The following COL10A1 variants were observed in gnomAD, a reference collection of about 807,000 sequenced individuals.
COL10A1 encodes collagen alpha-1(X) chain.
A neutral mutation model predicts 18.2 loss-of-function variants in COL10A1; 10 were observed. That is an observed-to-expected ratio of 0.55 (90% CI 0.34 to 0.93). The LOEUF is 0.93. Among genes scored for constraint, COL10A1 ranks in the 40% least tolerant of loss-of-function variants. The pLI, the probability that COL10A1 is intolerant of heterozygous loss-of-function variation, is 0.02. For missense variants in COL10A1, 897 were observed against 853.5 expected, an observed-to-expected ratio of 1.05 and a Z score of -0.64; for synonymous variants, 330 against 316.6, an observed-to-expected ratio of 1.04 and a Z score of -0.45.
At chr6:116,154,325 G>A (rs137872849) in intron 1 of COL10A1, among the ~76,000 whole-genome samples, 4 of 152,202 alleles carry the variant, frequency 2.6e-5, no homozygotes, top group East Asian at 3.9e-4. Flanking sequence ...CACTGAGGCC[G>A]GGATTTCTTT....
At chr6:116,184,560 A>C in the COL10A1 span, among the ~76,000 whole-genome samples, 1 of 151,782 alleles carries the variant, frequency 6.6e-6, no homozygotes, top group East Asian at 1.9e-4. Context: ...TTTCAGTCTC[A>C]CTGCTTGTTA....
intron 1 of COL10A1, 90 bp downstream of exon 1, chr6:116,125,963 C>T (rs1025841618): frequency 6.5e-6 from 1 of 154,752 alleles, no homozygotes; most frequent in African/African-American, 2.4e-5. Context: ...TTTAATACTT[C>T]TAATACTTGA....
upstream of COL10A1, among the ~76,000 whole-genome samples, chr6:116,127,985 C>T (rs1779365592): frequency 6.6e-6 from 1 of 152,058 alleles, no homozygotes; most frequent in South Asian, 2.1e-4. Context: ...CTAAGCTCCT[C>T]CCAGTTTTAA....
chr6:116,124,759 C>T (rs575606287), intron 2 of COL10A1, among the ~76,000 whole-genome samples: 65 of 152,214 alleles, frequency 4.3e-4, no homozygotes, highest in Admixed American at 1.2e-3. Flanking sequence ...TGCATTTTAC[C>T]GCTAAACTAT....
the COL10A1 span, among the ~76,000 whole-genome samples, chr6:116,184,107 A>G: frequency 6.6e-6 from 1 of 151,992 alleles, no homozygotes; most frequent in Non-Finnish European, 1.5e-5. Context: ...TTTTAATCAT[A>G]AAGAGATGCT....
At chr6:116,151,746 A>C (rs17077603) in intron 1 of COL10A1, among the ~76,000 whole-genome samples, 25,622 of 152,142 alleles carry the variant, frequency 0.17, 2,289 homozygotes, top group East Asian at 0.26. Context: ...GCTTTTCTAT[A>C]ATAAATACCA....
chr6:116,121,163 C>A lies in COL10A1; in HGVS notation c.953G>T (p.Gly318Val). 2.5e-6 allele frequency: 4 copies of A among 1,613,086 alleles called. No individual in the cohort carries two copies. The highest frequency in any genetic ancestry group is 2.5e-6 in the Non-Finnish European group (3 of 1,179,542). ...CCCTTGTTCCCCTTTGGCACCTGGA[C>A]CCCCAGGAAGGCCAGCAGGTCCTCT... ...GERGPAGLPG[G>V]PGAKGEQGPA... Residue 318 changes from glycine (G) to valine (V), a missense_variant, in exon 3 of 3, where the codon GGT becomes GTT. By Grantham distance (109) the Gly-to-Val change is moderately radical. Coordinates refer to ENST00000651968, the MANE Select transcript of COL10A1 (RefSeq NM_000493.4).
chr6:116,163,126 C>CAA (rs71272373), upstream of COL10A1, among the ~76,000 whole-genome samples: 41 of 84,310 alleles, frequency 4.9e-4, 1 homozygote, highest in African/African-American at 2.6e-3. Flanking sequence ...GACTCCGTCT[C>CAA]AAAAAAAAAA....
At chr6:116,184,916 G>C in the COL10A1 span, among the ~76,000 whole-genome samples, 7 of 151,128 alleles carry the variant, frequency 4.6e-5, no homozygotes, top group African/African-American at 1.7e-4. Flanking sequence ...TCTTCTGCTG[G>C]GTTTGGGTTT....
the COL10A1 span, among the ~76,000 whole-genome samples, chr6:116,216,923 A>T: frequency 6.6e-6 from 1 of 152,132 alleles, no homozygotes; most frequent in Non-Finnish European, 1.5e-5. Flanking sequence ...AAAGGTTGTA[A>T]ATATTTAAAT....
At chr6:116,161,920 T>G (rs1780342174), upstream of COL10A1, among the ~76,000 whole-genome samples, 1 of 152,196 alleles carries the variant, frequency 6.6e-6, no homozygotes. Context: ...ATAATTCTCC[T>G]TTGTATTTCA....
At chr6:116,163,512 T>C (rs1780393403), upstream of COL10A1, among the ~76,000 whole-genome samples, 1 of 152,242 alleles carries the variant, frequency 6.6e-6, no homozygotes, top group Non-Finnish European at 1.5e-5. Flanking sequence ...GTCCTCTTTT[T>C]TTCTTGTTTA....
chr6:116,209,819 C>G, the COL10A1 span, among the ~76,000 whole-genome samples: 3,796 of 151,902 alleles, frequency 0.025, 145 homozygotes, highest in African/African-American at 0.085. Context: ...TAATTATTAT[C>G]CAATAATTAT....
chr6:116,164,863 C>A, the COL10A1 span, among the ~76,000 whole-genome samples: 1 of 152,054 alleles, frequency 6.6e-6, no homozygotes, highest in East Asian at 1.9e-4. Flanking sequence ...GCAGGCAGAT[C>A]ATAAGGTCAG....
rs1779038440 is a variant in COL10A1 at position 116,119,412 on chromosome 6, T to C, written c.*661A>G. 3 of 152,536 alleles carry C rather than the reference T, an allele frequency of 2.0e-5. No homozygotes were observed. Among genetic ancestry groups the C allele is most frequent in the African/African-American group, 7.2e-5 (3 of 41,470 alleles). 9.4% of individuals were successfully genotyped at this position (152,536 alleles called of 1,614,324 possible). A position where few individuals can be genotyped will look rare whatever the true frequency, so the allele number is the denominator to read the frequency against. Reference sequence around the variant, plus strand: ...TCATAGAAAAGTTTGAAAAGGTTCATTGATGAAAGCACCTTGCATTTCAGA... The same window carrying C: ...TCATAGAAAAGTTTGAAAAGGTTCACTGATGAAAGCACCTTGCATTTCAGA... On this transcript the variant is annotated 3_prime_UTR_variant, in exon 3 of 3. Coordinates refer to ENST00000651968, the MANE Select transcript of COL10A1 (RefSeq NM_000493.4).
chr6:116,191,121 A>G, the COL10A1 span, among the ~76,000 whole-genome samples: 2 of 151,724 alleles, frequency 1.3e-5, no homozygotes, highest in Non-Finnish European at 2.9e-5. Context: ...GTGGAAACCA[A>G]TTTTTTTAAT....
chr6:116,210,596 A>T, the COL10A1 span, among the ~76,000 whole-genome samples: 1 of 151,960 alleles, frequency 6.6e-6, no homozygotes. Flanking sequence ...TGGGGTCATT[A>T]TGAGGATTAA....
chr6:116,162,189 G>C (rs1384300460), upstream of COL10A1, among the ~76,000 whole-genome samples: 1 of 152,014 alleles, frequency 6.6e-6, no homozygotes, highest in Non-Finnish European at 1.5e-5. Flanking sequence ...GAATCATTTG[G>C]GTTTTTTAAA....
the COL10A1 span, among the ~76,000 whole-genome samples, chr6:116,180,221 G>C: frequency 6.6e-6 from 1 of 151,964 alleles, no homozygotes; most frequent in Admixed American, 6.6e-5. Flanking sequence ...AAAGTGTGTT[G>C]TGTCTCATTT....
Sources: allele counts gnomAD v4.1 joint callset (sites outside exome capture counted in the v4.1 genomes callset), GRCh38; gene constraint gnomAD v4.1.1; transcripts MANE v1.5; gene names NCBI Gene and HGNC (gene_info 2026-07-23, HGNC 2026-07-21).